SALL2: variants seen among roughly 807,000 people sequenced by gnomAD.
SALL2 encodes the protein sal-like protein 2.
A neutral mutation model predicts 58.5 loss-of-function variants in SALL2; 32 were observed. That is an observed-to-expected ratio of 0.55 (90% CI 0.41 to 0.74). The LOEUF is 0.74. SALL2 is among the 30% of genes least tolerant of loss of function. The pLI is 0.00. For missense variants in SALL2, 1,201 were observed against 1,268.9 expected (o/e 0.95, Z 0.81); for synonymous variants, 516 against 513.6 (o/e 1.00, Z -0.06).
chr14:21,523,264 CAG>C lies in SALL2; in HGVS notation c.2456_2457del (p.Ala819GlyfsTer7). On this transcript the variant is annotated frameshift_variant, in exon 2 of 2. Transcript: ENST00000537235. LOFTEE classifies it high-confidence loss of function. The surrounding 1 kb of genome is among the most constrained non-coding windows in gnomAD (Gnocchi z 4.4). ...EVGTVAAAAT[A>X]GKEMDSNEKT... ...TTCTCATTACTGTCCATCTCCTTCCCAGCTGTGGCTGCTGCCGCCACTGTCCC... is the reference window on the plus strand; with the variant it reads ...TTCTCATTACTGTCCATCTCCTTCCCCTGTGGCTGCTGCCGCCACTGTCCC... 6.2e-7 allele frequency: 1 copy of C among 1,613,802 alleles called. No individual in the cohort carries two copies. Among genetic ancestry groups the C allele is most frequent in the Non-Finnish European group, 8.5e-7 (1 of 1,180,028 alleles).
chr14:21,524,311 C>T lies in SALL2; in HGVS notation c.1411G>A (p.Glu471Lys), dbSNP rs755002523. Reference sequence around the variant, plus strand: ...GTGGAGGCCACCAGAGGCTTGCGCTCAACCCCTCCACCTGGAGTGGCTGCC... The same window carrying T: ...GTGGAGGCCACCAGAGGCTTGCGCTTAACCCCTCCACCTGGAGTGGCTGCC... ...EEAATPGGGV[E>K]RKPLVASTTA... Residue 471 changes from glutamate (E) to lysine (K), a missense_variant, in exon 2 of 2, where the codon GAG becomes AAG. Coordinates refer to ENST00000537235, the MANE Select transcript of SALL2 (RefSeq NM_001364564.1). The T allele has an allele frequency of 6.2e-7, 1 of 1,613,870 alleles. No homozygotes were observed. Among genetic ancestry groups the T allele is most frequent in the Non-Finnish European group, 8.5e-7 (1 of 1,179,886 alleles).
chr14:21,535,391 AG>A (rs1487090269), intron 1 of SALL2, among the ~76,000 whole-genome samples: 1 of 151,984 alleles, frequency 6.6e-6, no homozygotes, highest in Non-Finnish European at 1.5e-5. Flanking sequence ...AGAAAAAAAA[AG>A]AAATGCTGAC....
rs1892224978 is a variant in SALL2, at chr14:21,524,960, A to G, written c.762T>C (p.Ser254=). The change falls in exon 2 of 2, where the codon TCT becomes TCC. Residue 254 remains serine (S), a synonymous_variant. Coordinates refer to ENST00000537235, the MANE Select transcript of SALL2 (RefSeq NM_001364564.1). Reference sequence around the variant, plus strand: ...AAGAGGAAGAGGAGGAGGAGGAGGAAGATGCCAGTGTCTTGCTGGTTTGGA... The same window carrying G: ...AAGAGGAAGAGGAGGAGGAGGAGGAGGATGCCAGTGTCTTGCTGGTTTGGA... ...KPVQTSKTLA[S]SSSSSSSSSG... 1 of 1,614,008 alleles carries G rather than the reference A, an allele frequency of 6.2e-7. No individual in the cohort carries two copies. The highest frequency in any genetic ancestry group is 1.1e-5 in the South Asian group (1 of 91,070).
chr14:21,522,241 G>A lies in SALL2; in HGVS notation c.*463C>T. ...CCATTTGACAGGAATGCCACATACT[G>A]GTTCTAGAAAGATAGGGGACCCATA... is the stretch of plus-strand genomic sequence containing the variant. On this transcript the variant is annotated 3_prime_UTR_variant, in exon 2 of 2. Coordinates refer to ENST00000537235, the MANE Select transcript of SALL2 (RefSeq NM_001364564.1). The A allele has an allele frequency of 6.3e-7, 1 of 1,591,198 alleles. No homozygotes were observed. The highest frequency in any genetic ancestry group is 8.5e-7 in the Non-Finnish European group (1 of 1,176,424).
At chr14:21,534,380 C>T (rs887224482) in intron 1 of SALL2, among the ~76,000 whole-genome samples, 10 of 152,082 alleles carry the variant, frequency 6.6e-5, no homozygotes, top group Non-Finnish European at 1.2e-4. Context: ...TTTGTTCCTG[C>T]CTTTCATAGC....
Position 21,522,156 on chromosome 14 carries a change from G to C in SALL2, c.*548C>G. ...AGTTCCTAGGCCAAACAGCACTGGT[G>C]GGGCCAGGCTTGGAGTGGTAGTGGA... On this transcript the variant is annotated 3_prime_UTR_variant, in exon 2 of 2. Coordinates refer to ENST00000537235, the MANE Select transcript of SALL2 (RefSeq NM_001364564.1). 6.3e-7 allele frequency: 1 copy of C among 1,597,992 alleles called. No homozygotes were observed. The highest frequency in any genetic ancestry group is 1.7e-4 in the Middle Eastern group (1 of 6,060).
Position 21,524,376 on chromosome 14 carries a change from G to A in SALL2, c.1346C>T (p.Pro449Leu), listed in dbSNP as rs1892189910. 1.2e-5 allele frequency: 20 copies of A among 1,614,200 alleles called. No individual in the cohort carries two copies. Among genetic ancestry groups the A allele is most frequent in the Non-Finnish European group, 1.7e-5 (20 of 1,180,034 alleles). ...CTCTGGTGGCACGGACATACCATAA[G>A]GCAAGCCACTGCTGGTAATGACATA... is the stretch of plus-strand genomic sequence containing the variant. ...LDYVITSSGL[P>L]YGMSVPPEKA... The change falls in exon 2 of 2, where the codon CCT becomes CTT. Residue 449 changes from proline to leucine, a missense_variant. This residue lies in a region of SALL2 where 59 missense variants were observed against 116.2 expected (regional missense o/e 0.51). Transcript: ENST00000537235.
At position 21,523,485 on chromosome 14, in the gene SALL2, A is replaced by G; in HGVS notation, c.2237T>C (p.Phe746Ser). Residue 746 changes from phenylalanine (F) to serine (S), a missense_variant, in exon 2 of 2, where the codon TTC becomes TCC. By Grantham distance (155) the Phe-to-Ser change is radical (BLOSUM62 -2). This residue lies in a region of SALL2 where 675 missense variants were observed against 683.8 expected (regional missense o/e 0.99). Coordinates refer to ENST00000537235, the MANE Select transcript of SALL2 (RefSeq NM_001364564.1). This position sits in a 1 kb window ranked among gnomAD's most constrained non-coding sequence, Gnocchi z 4.4. ...EQSTVSGARS[F>S]PQQQSQQPSP... is the part of the protein sequence containing the mutation. ...TGGCTGCTGGGACTGCTGCTGGGGG[A>G]AACTCCGTGCCCCGGAGACTGTAGA... is the stretch of plus-strand genomic sequence containing the variant. The G allele has an allele frequency of 6.2e-7, 1 of 1,613,998 alleles. No individual in the cohort carries two copies. The highest frequency in any genetic ancestry group is 8.5e-7 in the Non-Finnish European group (1 of 1,180,016).
At chr14:21,535,202 C>A (rs983713094) in intron 1 of SALL2, among the ~76,000 whole-genome samples, 13 of 151,710 alleles carry the variant, frequency 8.6e-5, no homozygotes, top group East Asian at 1.9e-4. Flanking sequence ...AAAATTAGCC[C>A]GGCGTGGTGG....
intron 1 of SALL2, among the ~76,000 whole-genome samples, chr14:21,532,850 C>T (rs958636264): frequency 1.3e-5 from 2 of 151,820 alleles, no homozygotes; most frequent in African/African-American, 2.4e-5. Flanking sequence ...GTAGTCCCAG[C>T]TACTTGGGAG....
intron 1 of SALL2, among the ~76,000 whole-genome samples, chr14:21,535,577 T>G (rs1353698896): frequency 6.6e-6 from 1 of 152,124 alleles, no homozygotes; most frequent in Non-Finnish European, 1.5e-5. Context: ...AACAACCTAA[T>G]GAGGTAGCTA....
chr14:21,527,879 G>A (rs1464386243), upstream of SALL2, among the ~76,000 whole-genome samples: 4 of 151,510 alleles, frequency 2.6e-5, no homozygotes, highest in Non-Finnish European at 5.9e-5. Context: ...AGCCGGGCGC[G>A]GTGGCTCACT....
chr14:21,522,262 C>A lies in SALL2; in HGVS notation c.*442G>T, dbSNP rs758444867. The A allele has an allele frequency of 6.4e-6, 10 of 1,570,048 alleles. No individual in the cohort carries two copies. The highest frequency in any genetic ancestry group is 1.1e-5 in the South Asian group (1 of 87,386). ...TACTGGTTCTAGAAAGATAGGGGAC[C>A]CATACCCACCAGCTGAGCAGAAAGG... On this transcript the variant is annotated 3_prime_UTR_variant, in exon 2 of 2. Transcript: ENST00000537235.
Position 21,525,234 on chromosome 14 carries a change from G to T in SALL2, c.488C>A (p.Pro163Gln), listed in dbSNP as rs768399446. The change falls in exon 2 of 2, where the codon CCA becomes CAA. Residue 163 changes from proline (P) to glutamine (Q), a missense_variant. Physicochemically the swap from Pro to Gln is moderately conservative, Grantham distance 76. This residue lies in a region of SALL2 where 467 missense variants were observed against 468.9 expected (regional missense o/e 1.00). Coordinates refer to ENST00000537235, the MANE Select transcript of SALL2 (RefSeq NM_001364564.1). This position sits in a 1 kb window ranked among gnomAD's most constrained non-coding sequence, Gnocchi z 4.4. ...GCCTACCCCTGGGGGCGGAGGGGGT[G>T]GTGGAGGAGGAGGGGGTGCAGGGGT... ...ESTPAPPPPPPPPPPPGVGSG... is the reference protein window; with the variant it reads ...ESTPAPPPPPQPPPPPGVGSG... 5.3e-5 allele frequency: 85 copies of T among 1,612,556 alleles called. No homozygotes were observed. The highest frequency in any genetic ancestry group is 6.8e-5 in the Non-Finnish European group (80 of 1,179,194).
At chr14:21,527,660 CA>C (rs919991783), upstream of SALL2, among the ~76,000 whole-genome samples, 1 of 151,890 alleles carries the variant, frequency 6.6e-6, no homozygotes, top group African/African-American at 2.4e-5. Flanking sequence ...ATTGTGGGGA[CA>C]AAAAATTGAA....
Position 21,524,505 on chromosome 14 carries a change from T to C in SALL2, c.1217A>G (p.Asn406Ser), listed in dbSNP as rs779386164. 4 of 1,614,110 alleles carry C rather than the reference T, an allele frequency of 2.5e-6. No homozygotes were observed. The highest frequency in any genetic ancestry group is 3.3e-5 in the Admixed American group (2 of 60,004). ...ERPYKCNVCG[N>S]RFTTRGNLKV... is the part of the protein sequence containing the mutation. ...GAGGTTGCCACGGGTGGTAAAACGGTTTCCACAGACATTGCACTTATAGGG... is the reference window on the plus strand; with the variant it reads ...GAGGTTGCCACGGGTGGTAAAACGGCTTCCACAGACATTGCACTTATAGGG... The change falls in exon 2 of 2, where the codon AAC becomes AGC. Residue 406 changes from asparagine (N) to serine (S), a missense_variant. Physicochemically the swap from Asn to Ser is conservative, Grantham distance 46. Around this residue, in one of 3 missense-constraint regions of SALL2, gnomAD observed 59 missense variants for 116.2 expected, o/e 0.51. Transcript: ENST00000537235.
Position 21,523,303 on chromosome 14 carries a change from C to G in SALL2, c.2419G>C (p.Glu807Gln). ...RGDSEEASGA[E>Q]EEVGTVAAAA... ...GCCGCCACTGTCCCCACCTCCTCCTCTGCCCCAGATGCCTCTTCTGAATCA... is the reference window on the plus strand; with the variant it reads ...GCCGCCACTGTCCCCACCTCCTCCTGTGCCCCAGATGCCTCTTCTGAATCA... The change falls in exon 2 of 2, where the codon GAG (glutamate) becomes CAG (glutamine). Residue 807 changes from glutamate (E) to glutamine (Q), a missense_variant. Physicochemically the swap from Glu to Gln is conservative, Grantham distance 29 (BLOSUM62 2). This residue lies in a region of SALL2 where 675 missense variants were observed against 683.8 expected (regional missense o/e 0.99). Coordinates refer to ENST00000537235, the MANE Select transcript of SALL2 (RefSeq NM_001364564.1). This position sits in a 1 kb window ranked among gnomAD's most constrained non-coding sequence, Gnocchi z 4.4. 6.2e-7 allele frequency: 1 copy of G among 1,613,816 alleles called. No individual in the cohort carries two copies. Among genetic ancestry groups the G allele is most frequent in the Non-Finnish European group, 8.5e-7 (1 of 1,180,038 alleles).
chr14:21,526,436 CGGGGGCGT>C, upstream of SALL2: 1 of 1,048,916 alleles, frequency 9.5e-7, no homozygotes, highest in South Asian at 2.6e-5. Context: ...GGAGCGCTAG[CGGGGGCGT>C]GGGGGCGGGA....
At chr14:21,526,604 G>C (rs754935226), upstream of SALL2, 1 of 651,610 alleles carries the variant, frequency 1.5e-6, no homozygotes, top group Non-Finnish European at 2.0e-6. Flanking sequence ...CCCCTCCTAA[G>C]CTCTAGGGGC....
Sources: allele counts gnomAD v4.1 joint callset (sites outside exome capture counted in the v4.1 genomes callset), GRCh38; gene constraint gnomAD v4.1.1; regional missense constraint gnomAD v4.1.1; non-coding constraint Gnocchi (gnomAD v3.1); transcripts MANE v1.5; gene names NCBI Gene and HGNC (gene_info 2026-07-23, HGNC 2026-07-21).